The following SYNE1 variants were observed in gnomAD, a reference collection of about 807,000 sequenced individuals.
SYNE1 encodes the protein nesprin-1.
SYNE1 carries 616 observed loss-of-function variants against 1,111.0 expected under a neutral mutation model. That is an observed-to-expected ratio of 0.55 (90% confidence interval 0.52 to 0.59). The LOEUF is 0.59. Ranked by LOEUF, SYNE1 falls within the 20% of genes least tolerant of loss-of-function variation. The probability of loss-of-function intolerance (pLI) is 0.00; values close to 1 mark genes in which losing one functional copy is unlikely to be tolerated. For missense variants in SYNE1, 10,006 were observed against 10,417.0 expected, an observed-to-expected ratio of 0.96 and a Z score of 1.72; for synonymous variants, 3,855 against 3,825.8, an observed-to-expected ratio of 1.01 and a Z score of -0.28.
Position 152,157,751 on chromosome 6 carries a change from G to A in SYNE1, c.23791-1654C>T, listed in dbSNP as rs185277126. ...GCATGACATCAGCAGTTTCCTCAGA[G>A]AACAAATTCTTTTTTTTTTTTTTTT... is the stretch of plus-strand genomic sequence containing the variant. On this transcript the variant is annotated intron_variant, in intron 131 of 145. Transcript: ENST00000367255. Among the ~76,000 whole-genome samples, 262 of 150,604 alleles carry A rather than the reference G, an allele frequency of 1.7e-3. 1 individual carries two copies. The highest frequency in any genetic ancestry group is 3.5e-3 in the Middle Eastern group (1 of 288).
chr6:152,430,037 C>T, intron 36 of SYNE1, 75 bp downstream of exon 36: 3 of 1,010,038 alleles, frequency 3.0e-6, no homozygotes, highest in Non-Finnish European at 4.6e-6. Context: ...AAAAAGTTTA[C>T]TGTATTTTCT....
intron 62 of SYNE1, chr6:152,366,943 C>T (rs771059007): frequency 1.0e-4 from 62 of 618,570 alleles, no homozygotes; most frequent in Middle Eastern, 5.1e-4. Context: ...ATGAATATGT[C>T]TGTGATCTCA....
chr6:152,350,374 GA>G (rs779303181), intron 71 of SYNE1, 39 bp from the exon 72 acceptor site: 1 of 1,613,302 alleles, frequency 6.2e-7, no homozygotes, highest in Admixed American at 1.7e-5. Context: ...ACTTTCAAGT[GA>G]AAAACCTACT....
Position 152,253,817 on chromosome 6 carries a change from G to GTTTTTTTTTTTTTTTTTTTTT in SYNE1, c.19470+1062_19470+1063insAAAAAAAAAAAAAAAAAAAAA. ...ATGCTACATTTATGTGTAGTGGTTT[G>GTTTTTTTTTTTTTTTTTTTTT]GTTTTTTTTTTTTTTTTTTTTTTTT... On this transcript the variant is annotated intron_variant, in intron 104 of 145. Transcript: ENST00000367255. Among the ~76,000 whole-genome samples the GTTTTTTTTTTTTTTTTTTTTT allele has an allele frequency of 1.6e-3, 95 of 59,156 alleles. 43 individuals carry two copies. The highest frequency in any genetic ancestry group is 2.2e-3 in the East Asian group (3 of 1,380). The allele number at this position is 59,156 out of a possible 152,430, so 38.8% of individuals were successfully genotyped here. A position where few individuals can be genotyped will look rare whatever the true frequency, so the allele number is the denominator to read the frequency against.
chr6:152,234,900 C>T, intron 110 of SYNE1, 100 bp from the exon 111 acceptor site: 1 of 1,379,316 alleles, frequency 7.2e-7, no homozygotes, highest in Non-Finnish European at 1.0e-6. Flanking sequence ...AACGAGAGGT[C>T]TGAAGATTTA....
chr6:152,481,263 A>G (rs573157016), intron 14 of SYNE1: 1 of 226,170 alleles, frequency 4.4e-6, no homozygotes, highest in South Asian at 6.3e-5. Context: ...GAGGCACCAC[A>G]AACGCCTGGA....
chr6:152,506,523 A>G (rs1232556710), intron 8 of SYNE1, among the ~76,000 whole-genome samples: 2 of 151,458 alleles, frequency 1.3e-5, no homozygotes, highest in Non-Finnish European at 1.5e-5. Context: ...GTAAGTGTCC[A>G]TTATTATTAT....
intron 36 of SYNE1, among the ~76,000 whole-genome samples, chr6:152,429,449 A>G (rs2098407034): frequency 6.6e-6 from 1 of 152,208 alleles, no homozygotes; most frequent in Admixed American, 6.5e-5. Context: ...TATTTAAACA[A>G]TAGAAATCTC....
intron 3 of SYNE1, among the ~76,000 whole-genome samples, chr6:152,623,564 ACT>A (rs2099680005): frequency 6.6e-6 from 1 of 152,144 alleles, no homozygotes; most frequent in Non-Finnish European, 1.5e-5. Context: ...AGCAAAAGAA[ACT>A]CATCACAGTG....
intron 54 of SYNE1, 69 bp downstream of exon 54, chr6:152,387,003 T>C (rs1384068139): frequency 2.3e-5 from 30 of 1,318,268 alleles, no homozygotes; most frequent in Non-Finnish European, 3.1e-5. Flanking sequence ...AGTCATTATA[T>C]TATTAATATA....
At chr6:152,411,023 A>C (rs2098026118) in intron 42 of SYNE1, among the ~76,000 whole-genome samples, 2 of 152,246 alleles carry the variant, frequency 1.3e-5, no homozygotes, top group African/African-American at 4.8e-5. Flanking sequence ...ATTCAATTTA[A>C]AATGCCTACA....
At chr6:152,391,183 G>A in intron 52 of SYNE1, 94 bp downstream of exon 52, 1 of 1,576,526 alleles carries the variant, frequency 6.3e-7, no homozygotes, top group South Asian at 1.1e-5. Context: ...TCATTTAGAG[G>A]CTTACAGAAC....
At chr6:152,315,101 T>C (rs891454992) in intron 87 of SYNE1, 1 of 151,502 alleles carries the variant, frequency 6.6e-6, no homozygotes, top group African/African-American at 2.4e-5. Flanking sequence ...CTTTAAACTT[T>C]CACTACAGTT....
At position 152,346,635 on chromosome 6, in the gene SYNE1, C is replaced by A. The variant is rs574179323; in HGVS notation, c.12078+424G>T. 6.4e-4 allele frequency among the ~76,000 whole-genome samples: 97 copies of A among 151,940 alleles called. No homozygotes were observed. In the Middle Eastern group the frequency reaches 0.014, roughly 21 times the overall value. On this transcript the variant is annotated intron_variant, in intron 73 of 145. Coordinates refer to ENST00000367255, the MANE Select transcript of SYNE1 (RefSeq NM_182961.4). ...ACCATCCTGGCTAACACGGTGAAAC[C>A]CCGTCTCTACTAAAAATACAAAAAA...
Position 152,558,234 on chromosome 6 carries a change from A to C in SYNE1, c.68-18213T>G, listed in dbSNP as rs865875402. 1.8e-4 allele frequency among the ~76,000 whole-genome samples: 27 copies of C among 152,288 alleles called. No individual in the cohort carries two copies. In the Middle Eastern group the frequency reaches 0.01, roughly 58 times the overall value. On this transcript the variant is annotated intron_variant, in intron 3 of 145. Coordinates refer to ENST00000367255, the MANE Select transcript of SYNE1 (RefSeq NM_182961.4). ...GATAAAGGAATTAAAACATACCACC[A>C]CAAAAAAAATCATCAGATCACAAGA...
intron 120 of SYNE1, 104 bp downstream of exon 120, chr6:152,218,899 T>G: frequency 2.4e-6 from 3 of 1,225,814 alleles, no homozygotes; most frequent in Non-Finnish European, 2.4e-6. Context: ...TCTTGAGTCT[T>G]GAAGGAGGCA....
intron 55 of SYNE1, among the ~76,000 whole-genome samples, chr6:152,382,492 T>C (rs2097437902): frequency 6.6e-6 from 1 of 152,172 alleles, no homozygotes; most frequent in Non-Finnish European, 1.5e-5. Flanking sequence ...AGAGCCATAT[T>C]TTAATATAGA....
chr6:152,214,996 C>G lies in SYNE1; in HGVS notation c.22256G>C (p.Arg7419Thr). 6.2e-7 allele frequency: 1 copy of G among 1,614,094 alleles called. No individual in the cohort carries two copies. Among genetic ancestry groups the G allele is most frequent in the Non-Finnish European group, 8.5e-7 (1 of 1,180,000 alleles). The change falls in exon 122 of 146, where the codon AGG becomes ACG. Residue 7419 changes from arginine to threonine, a missense_variant. By Grantham distance (71) the Arg-to-Thr change is moderately conservative. This residue lies in a region of SYNE1 where 2,182 missense variants were observed against 2,287.8 expected (regional missense o/e 0.95). Coordinates refer to ENST00000367255, the MANE Select transcript of SYNE1 (RefSeq NM_182961.4). ...GATTTCCTTATCATTCAAGGGTAACCTATATCCAAGCTCATTTAGACGGTC... is the reference window on the plus strand; with the variant it reads ...GATTTCCTTATCATTCAAGGGTAACGTATATCCAAGCTCATTTAGACGGTC... Reference protein sequence around the residue: ...DLDRLNELGYRLPLNDKEIKR... With the variant: ...DLDRLNELGYTLPLNDKEIKR...
chr6:152,448,063 T>G (rs2098607671), intron 28 of SYNE1, among the ~76,000 whole-genome samples: 1 of 152,264 alleles, frequency 6.6e-6, no homozygotes, highest in Admixed American at 6.5e-5. Context: ...AGAGTCTACT[T>G]GTTGAATATT....
Sources: allele counts gnomAD v4.1 joint callset (sites outside exome capture counted in the v4.1 genomes callset), GRCh38; gene constraint gnomAD v4.1.1; regional missense constraint gnomAD v4.1.1; transcripts MANE v1.5; gene names NCBI Gene and HGNC (gene_info 2026-07-23, HGNC 2026-07-21).